Variants in ZNF568 observed in about 807,000 individuals in gnomAD.
ZNF568 encodes zinc finger protein 568.
In ZNF568, 11 loss-of-function variants were observed where a neutral mutation model predicts 18.1. That is an observed-to-expected ratio of 0.61 (90% confidence interval 0.38 to 1.00). ZNF568 has a LOEUF of 1.00. ZNF568 is among the 50% of genes least tolerant of loss of function. The pLI is 0.01. For missense variants in ZNF568, 639 were observed against 768.2 expected (o/e 0.83, Z 1.99); for synonymous variants, 213 against 246.6 (o/e 0.86, Z 1.28).
intron 7 of ZNF568, among the ~76,000 whole-genome samples, chr19:36,976,091 A>G (rs1053105672): frequency 2.0e-5 from 3 of 152,222 alleles, no homozygotes; most frequent in African/African-American, 7.2e-5. Context: ...GATTAAAGTG[A>G]TATACAATTT....
At chr19:36,957,701 A>C (rs2074118331), downstream of ZNF568, among the ~76,000 whole-genome samples, 9 of 152,194 alleles carry the variant, frequency 5.9e-5, no homozygotes, top group Admixed American at 5.9e-4. Context: ...GGAAAATGTT[A>C]AATATGTGGG....
chr19:36,919,007 A>C (rs1473554047), intron 2 of ZNF568, among the ~76,000 whole-genome samples: 1 of 152,166 alleles, frequency 6.6e-6, no homozygotes, highest in Non-Finnish European at 1.5e-5. Context: ...ATATATGGAT[A>C]AATATTTTGT....
intron 6 of ZNF568, among the ~76,000 whole-genome samples, chr19:36,966,843 G>A (rs984515809): frequency 1.3e-5 from 2 of 152,220 alleles, no homozygotes; most frequent in Admixed American, 1.3e-4. Context: ...TTGCATATCT[G>A]GCCTGGGCCT....
chr19:36,996,388 CAGG>C, exon 5 of ZNF568: 1 of 1,536,128 alleles, frequency 6.5e-7, no homozygotes, highest in Non-Finnish European at 8.7e-7. Context: ...ATCACCACAA[CAGG>C]AGAAGGCCAG....
intron 6 of ZNF568, among the ~76,000 whole-genome samples, chr19:36,972,900 G>A (rs1644646): frequency 0.024 from 3,695 of 152,352 alleles, 162 homozygotes; most frequent in African/African-American, 0.084. Flanking sequence ...GGGCCCGGCC[G>A]CCCCTTCCCG....
At chr19:36,918,308 G>A (rs1039588370) in intron 2 of ZNF568, among the ~76,000 whole-genome samples, 6 of 152,032 alleles carry the variant, frequency 3.9e-5, no homozygotes, top group Non-Finnish European at 8.8e-5. Context: ...TATACAGTTC[G>A]TATCCAGGAG....
intron 7 of ZNF568, chr19:36,978,982 CTTTTTTTT>C: frequency 7.7e-6 from 2 of 261,080 alleles, no homozygotes; most frequent in Admixed American, 5.7e-5. Flanking sequence ...TTGTAACTAT[CTTTTTTTT>C]TTTTTTTTTT....
At chr19:36,981,172 C>G (rs1443511284), downstream of ZNF568, among the ~76,000 whole-genome samples, 1 of 152,196 alleles carries the variant, frequency 6.6e-6, no homozygotes, top group African/African-American at 2.4e-5. Flanking sequence ...TCTGGGCTCT[C>G]CTTTCTAATC....
chr19:36,928,589 C>A (rs903517564), intron 4 of ZNF568, among the ~76,000 whole-genome samples: 6 of 152,026 alleles, frequency 3.9e-5, no homozygotes, highest in Admixed American at 2.0e-4. Flanking sequence ...AAGTAAAAAG[C>A]AGGATGGTGC....
downstream of ZNF568, among the ~76,000 whole-genome samples, chr19:36,953,779 C>T (rs2074086780): frequency 6.6e-6 from 1 of 151,956 alleles, no homozygotes; most frequent in Non-Finnish European, 1.5e-5. Context: ...AGGCATGGGG[C>T]GGGTGCCTGT....
Position 36,968,230 on chromosome 19 carries a change from G to T in ZNF568, c.359-6190G>T, listed in dbSNP as rs1361434247. 4.0e-5 allele frequency among the ~76,000 whole-genome samples: 6 copies of T among 151,336 alleles called. No homozygotes were observed. The South Asian group carries it at 1.2e-3, about 31-fold the overall frequency. ...GAGAAAAATACATACAAATTTATAT[G>T]AGAGTAACACATATTAATTTACATG... is the stretch of plus-strand genomic sequence containing the variant. On this transcript the variant is annotated intron_variant, in intron 6 of 7. Transcript: ENST00000427117.
At chr19:36,956,205 T>A (rs1489696702), downstream of ZNF568, among the ~76,000 whole-genome samples, 1 of 152,228 alleles carries the variant, frequency 6.6e-6, no homozygotes, top group Non-Finnish European at 1.5e-5. Flanking sequence ...CCTTCAGGAC[T>A]GAGGCACTTG....
chr19:36,961,167 T>C (rs977510472), intron 6 of ZNF568, among the ~76,000 whole-genome samples: 4 of 152,160 alleles, frequency 2.6e-5, no homozygotes, highest in Non-Finnish European at 4.4e-5. Context: ...GATCTAGTAA[T>C]ATTTGCTTTA....
chr19:36,950,840 T>A lies in ZNF568; in HGVS notation c.1687T>A (p.Cys563Ser), dbSNP rs1199372439. The change falls in exon 7 of 7, where the codon TGT becomes AGT. Residue 563 changes from cysteine to serine, a missense_variant. Transcript: ENST00000333987. ...TGEKPFKCNE[C>S]GKAFSRISSL... ...AGAGAAACCATTCAAATGTAATGAATGTGGTAAAGCCTTCTCTCGAATCTC... is the reference window on the plus strand; with the variant it reads ...AGAGAAACCATTCAAATGTAATGAAAGTGGTAAAGCCTTCTCTCGAATCTC... The A allele has an allele frequency of 6.2e-6, 10 of 1,613,794 alleles. No homozygotes were observed. In the Admixed American group the frequency reaches 1.7e-4, roughly 27 times the overall value.
intron 7 of ZNF568, among the ~76,000 whole-genome samples, chr19:36,978,298 A>C (rs1396707936): frequency 1.3e-5 from 2 of 152,210 alleles, no homozygotes; most frequent in Non-Finnish European, 2.9e-5. Flanking sequence ...TAGTCCTGGC[A>C]GGTATAACCT....
In ZNF568 at chr19:36,950,075, T is replaced by C. The variant is rs775981096; in HGVS notation, c.922T>C (p.Cys308Arg). 11 of 1,613,884 alleles carry C rather than the reference T, an allele frequency of 6.8e-6. No homozygotes were observed. In the South Asian group the frequency reaches 1.1e-4, roughly 16 times the overall value. The change falls in exon 7 of 7, where the codon TGT (cysteine) becomes CGT (arginine). Residue 308 changes from cysteine (C) to arginine (R), a missense_variant. Transcript: ENST00000333987. ...TCATACTGGGGAGAAACCTTATGCA[T>C]GTAAGGATTGTTGGAAAGCCTTCAG... The part of the protein sequence containing the change: ...RIHTGEKPYA[C>R]KDCWKAFSQK...
intron 6 of ZNF568, among the ~76,000 whole-genome samples, chr19:36,972,258 T>C (rs960243145): frequency 1.3e-5 from 2 of 151,980 alleles, no homozygotes; most frequent in Admixed American, 6.6e-5. Flanking sequence ...CTAAAATTGG[T>C]TTATTTTAGT....
intron 6 of ZNF568, among the ~76,000 whole-genome samples, chr19:36,969,208 G>C (rs1644637): frequency 3.8e-4 from 58 of 151,910 alleles, no homozygotes; most frequent in Non-Finnish European, 7.2e-4. Flanking sequence ...TTTGAAACTT[G>C]CCAAAATAAA....
intron 2 of ZNF568, 71 bp downstream of exon 2, chr19:36,917,719 C>G (rs2146260023): frequency 6.6e-6 from 1 of 152,288 alleles, no homozygotes; most frequent in African/African-American, 2.4e-5. Flanking sequence ...ACGCCTTAAA[C>G]ATTTTTGATT....
Sources: allele counts gnomAD v4.1 joint callset (sites outside exome capture counted in the v4.1 genomes callset), GRCh38; gene constraint gnomAD v4.1.1; transcripts MANE v1.5; gene names NCBI Gene and HGNC (gene_info 2026-07-23, HGNC 2026-07-21).